Variants in CPSF2 observed in about 807,000 individuals in gnomAD.
The protein encoded by CPSF2 is cleavage and polyadenylation specificity factor subunit 2.
CPSF2 carries 51 observed loss-of-function variants against 84.2 expected under a neutral mutation model. The observed-to-expected ratio is 0.61, with a 90% CI of 0.48 to 0.77. CPSF2 has a LOEUF of 0.77. CPSF2 is among the 30% of genes least tolerant of loss of function. The pLI, the probability that CPSF2 is intolerant of heterozygous loss-of-function variation, is 0.00. For synonymous variants in CPSF2, 286 were observed against 311.9 expected, an observed-to-expected ratio of 0.92 and a Z score of 0.87; for missense variants, 641 against 929.4, an observed-to-expected ratio of 0.69 and a Z score of 4.03.
At chr14:92,153,853 C>G (rs2141477427) in intron 9 of CPSF2, among the ~76,000 whole-genome samples, 1 of 151,174 alleles carries the variant, frequency 6.6e-6, no homozygotes, top group South Asian at 2.1e-4. Flanking sequence ...CAGGCACATG[C>G]CACCACTCCT....
At chr14:92,129,649 T>C (rs567933200) in intron 2 of CPSF2, among the ~76,000 whole-genome samples, 1 of 152,294 alleles carries the variant, frequency 6.6e-6, no homozygotes, top group East Asian at 1.9e-4. Context: ...TAATGAATAT[T>C]TTCATAACTT....
At position 92,150,088 on chromosome 14, in the gene CPSF2, T is replaced by C. The variant is rs565045812; in HGVS notation, c.1141-4270T>C. On this transcript the variant is annotated intron_variant, in intron 9 of 15. Coordinates refer to ENST00000298875, the MANE Select transcript of CPSF2 (RefSeq NM_017437.3). Reference sequence around the variant, plus strand: ...TGTTTATTTGAGTCGTGAGTTAAACTAGCCACTTTTTTCTGGGAACACCTT... The same window carrying C: ...TGTTTATTTGAGTCGTGAGTTAAACCAGCCACTTTTTTCTGGGAACACCTT... Among the ~76,000 whole-genome samples, 12 of 152,088 alleles carry C rather than the reference T, an allele frequency of 7.9e-5. No individual in the cohort carries two copies. In the East Asian group the frequency reaches 2.3e-3, roughly 30 times the overall value.
chr14:92,160,448 T>C (rs938812708), intron 14 of CPSF2, among the ~76,000 whole-genome samples: 1 of 152,344 alleles, frequency 6.6e-6, no homozygotes, highest in East Asian at 1.9e-4. Context: ...GAATCCTACA[T>C]GCATGTCAAG....
intron 15 of CPSF2, among the ~76,000 whole-genome samples, 197 bp from the exon 16 acceptor site, chr14:92,161,455 A>G (rs1226580430): frequency 1.3e-5 from 2 of 152,166 alleles, no homozygotes; most frequent in Non-Finnish European, 2.9e-5. Flanking sequence ...TTTATTGTAA[A>G]TTTTAATTAT....
At chr14:92,133,440 C>G (rs1168548715) in intron 3 of CPSF2, among the ~76,000 whole-genome samples, 1 of 103,422 alleles carries the variant, frequency 9.7e-6, no homozygotes, top group East Asian at 4.2e-3. Context: ...AATCAAGTTA[C>G]TTGTGTCTAC....
chr14:92,155,283 G>T lies in CPSF2; in HGVS notation c.1402G>T (p.Glu468Ter). 1 of 1,614,078 alleles carries T rather than the reference G, an allele frequency of 6.2e-7. No individual in the cohort carries two copies. The highest frequency in any genetic ancestry group is 8.5e-7 in the Non-Finnish European group (1 of 1,179,970). The change falls in exon 11 of 16, where the codon GAA becomes TAA. Residue 468 changes from glutamate to a stop codon, truncating the protein, a stop_gained. Coordinates refer to ENST00000298875, the MANE Select transcript of CPSF2 (RefSeq NM_017437.3). LOFTEE classifies it high-confidence loss of function. ...KKSYPMFPAP[E>*]ERIKWDEYGE... ...GTCCTATCCTATGTTTCCTGCCCCA[G>T]AAGAAAGAATTAAATGGGATGAATA...
chr14:92,137,556 G>A (rs1366595482), intron 6 of CPSF2, among the ~76,000 whole-genome samples: 2 of 152,076 alleles, frequency 1.3e-5, no homozygotes, highest in Non-Finnish European at 2.9e-5. Context: ...ATGTAGAATT[G>A]GTCAGTCTTT....
intron 14 of CPSF2, among the ~76,000 whole-genome samples, chr14:92,160,232 G>C (rs1215700537): frequency 6.6e-6 from 1 of 152,170 alleles, no homozygotes; most frequent in Non-Finnish European, 1.5e-5. Flanking sequence ...CAAAGTGCTG[G>C]GATTACAGGC....
chr14:92,135,637 A>G (rs2068988600), intron 6 of CPSF2, 141 bp downstream of exon 6: 2 of 763,168 alleles, frequency 2.6e-6, no homozygotes, highest in East Asian at 2.7e-5. Context: ...AGTGTTTTCA[A>G]AATTAATTAT....
intron 1 of CPSF2, among the ~76,000 whole-genome samples, chr14:92,123,564 CT>C (rs1039610196): frequency 6.6e-6 from 1 of 152,068 alleles, no homozygotes; most frequent in African/African-American, 2.4e-5. Flanking sequence ...CGCCCGGCTA[CT>C]TTTTTGTGTT....
chr14:92,130,836 C>T (rs543399495), intron 2 of CPSF2, 115 bp from the exon 3 acceptor site: 92 of 641,768 alleles, frequency 1.4e-4, no homozygotes, highest in Admixed American at 1.4e-3. Context: ...AACTGCTTTT[C>T]GTGTTAATGG....
At chr14:92,134,477 C>T in intron 5 of CPSF2, 122 bp downstream of exon 5, 1 of 655,586 alleles carries the variant, frequency 1.5e-6, no homozygotes, top group African/African-American at 1.8e-5. Context: ...AAAGTTAGCA[C>T]ATTCTGCCTT....
intron 2 of CPSF2, among the ~76,000 whole-genome samples, chr14:92,127,697 A>T (rs771529359): frequency 4.1e-4 from 62 of 152,272 alleles, no homozygotes; most frequent in South Asian, 6.2e-4. Flanking sequence ...GATGCAGGGG[A>T]AAGAGCGAAT....
intron 1 of CPSF2, among the ~76,000 whole-genome samples, chr14:92,123,690 C>T (rs546327208): frequency 2.4e-4 from 36 of 152,338 alleles, no homozygotes; most frequent in South Asian, 8.3e-4. Flanking sequence ...CAAGCCACTG[C>T]GCCCGGCAAC....
At chr14:92,122,853 CTTTT>C (rs71123318) in intron 1 of CPSF2, among the ~76,000 whole-genome samples, 6 of 141,190 alleles carry the variant, frequency 4.2e-5, no homozygotes, top group South Asian at 2.2e-4. Flanking sequence ...TTTTTTCTTT[CTTTT>C]TTTTTTTTTT....
At chr14:92,134,474 G>A in intron 5 of CPSF2, 119 bp downstream of exon 5, 4 of 663,116 alleles carry the variant, frequency 6.0e-6, no homozygotes, top group Non-Finnish European at 1.0e-5. Flanking sequence ...AAAAAAGTTA[G>A]CACATTCTGC....
chr14:92,139,950 A>ATTTTTTTTTTT (rs34354391), intron 7 of CPSF2, among the ~76,000 whole-genome samples: 1 of 97,632 alleles, frequency 1.0e-5, no homozygotes, highest in Non-Finnish European at 2.0e-5. Context: ...AAGTACAACT[A>ATTTTTTTTTTT]TTTTTTTTTT....
rs1473158111 is a variant in CPSF2, at chr14:92,157,536, C to A, written c.1596-123C>A. 1.5e-5 allele frequency: 10 copies of A among 656,514 alleles called. No individual in the cohort carries two copies. The African/African-American group carries it at 1.9e-4, about 12-fold the overall frequency. The allele number at this position is 656,514 out of a possible 1,614,324, so 40.7% of individuals were successfully genotyped here. A position where few individuals can be genotyped will look rare whatever the true frequency, so the allele number is the denominator to read the frequency against. On this transcript the variant is annotated intron_variant, in intron 12 of 15. Coordinates refer to ENST00000298875, the MANE Select transcript of CPSF2 (RefSeq NM_017437.3). This position sits in a 1 kb window ranked among gnomAD's most constrained non-coding sequence, Gnocchi z 4.0. ...AAATAAAAACAAAAATAAAATAAAT[C>A]ATACAGATACTATAACATGTGTATT... is the stretch of plus-strand genomic sequence containing the variant.
chr14:92,138,498 C>T (rs927110725), intron 7 of CPSF2, 151 bp downstream of exon 7: 10 of 436,648 alleles, frequency 2.3e-5, no homozygotes, highest in African/African-American at 6.2e-5. Context: ...GGCGCGATCT[C>T]GGCTCACTGT....
Sources: allele counts gnomAD v4.1 joint callset (sites outside exome capture counted in the v4.1 genomes callset), GRCh38; gene constraint gnomAD v4.1.1; non-coding constraint Gnocchi (gnomAD v3.1); transcripts MANE v1.5; gene names NCBI Gene and HGNC (gene_info 2026-07-23, HGNC 2026-07-21).